The following FRMD5 variants were observed in gnomAD, a reference collection of about 807,000 sequenced individuals.
The protein encoded by FRMD5 is FERM domain containing 5.
Under a neutral mutation model 69.0 loss-of-function variants are expected in FRMD5, and 20 were observed. That is an observed-to-expected ratio of 0.29 (90% CI 0.20 to 0.42). The LOEUF (loss-of-function observed/expected upper bound fraction) is 0.42, where lower values mean the gene tolerates loss of function less well. Ranked by LOEUF, FRMD5 falls within the 10% of genes least tolerant of loss-of-function variation. The pLI is 1.00. For synonymous variants in FRMD5, 271 were observed against 260.1 expected, an observed-to-expected ratio of 1.04 and a Z score of -0.40; for missense variants, 595 against 708.6, an observed-to-expected ratio of 0.84 and a Z score of 1.82.
intron 1 of FRMD5, among the ~76,000 whole-genome samples, chr15:44,170,471 C>T (rs918762788): frequency 2.0e-5 from 3 of 150,562 alleles, no homozygotes; most frequent in Non-Finnish European, 3.0e-5. Context: ...TGCAGTAAGC[C>T]GAGATCACAC....
upstream of FRMD5, among the ~76,000 whole-genome samples, chr15:44,196,165 TA>T (rs1315887121): frequency 6.6e-6 from 1 of 152,104 alleles, no homozygotes; most frequent in African/African-American, 2.4e-5. Flanking sequence ...GGAAATGTTA[TA>T]AAATAATTAT....
intron 1 of FRMD5, among the ~76,000 whole-genome samples, chr15:44,139,996 A>G (rs2077244537): frequency 6.6e-6 from 1 of 151,292 alleles, no homozygotes; most frequent in South Asian, 2.1e-4. Flanking sequence ...GTCTGATCTT[A>G]TACATATACA....
intron 1 of FRMD5, among the ~76,000 whole-genome samples, chr15:43,948,164 A>G (rs1225122699): frequency 6.6e-6 from 1 of 152,248 alleles, no homozygotes; most frequent in African/African-American, 2.4e-5. Context: ...TGAGCTGGGA[A>G]TTGAACCCAA....
At chr15:44,072,520 TACAG>T (rs1893585456) in intron 1 of FRMD5, among the ~76,000 whole-genome samples, 1 of 152,248 alleles carries the variant, frequency 6.6e-6, no homozygotes, top group Non-Finnish European at 1.5e-5. Context: ...AATTTGCTGT[TACAG>T]ACAATTTAAC....
chr15:43,948,852 A>T (rs1470901970), intron 1 of FRMD5, among the ~76,000 whole-genome samples: 1 of 152,256 alleles, frequency 6.6e-6, no homozygotes, highest in Non-Finnish European at 1.5e-5. Context: ...GATGAGTCAC[A>T]TGCAAATCTT....
At chr15:43,988,191 C>T (rs1192958364) in intron 1 of FRMD5, among the ~76,000 whole-genome samples, 3 of 152,116 alleles carry the variant, frequency 2.0e-5, no homozygotes, top group African/African-American at 7.2e-5. Flanking sequence ...TGCTGTGTGG[C>T]CTGGTCTGTG....
rs533023960 is a variant in FRMD5 at position 43,914,723 on chromosome 15, CTT to C, written c.329+4734_329+4735del. Among the ~76,000 whole-genome samples, 20 of 109,360 alleles carry C rather than the reference CTT, an allele frequency of 1.8e-4. 1 individual carries two copies. In the East Asian group the frequency reaches 2.5e-3, roughly 13 times the overall value. The allele number at this position is 109,360 out of a possible 152,430, so 71.7% of individuals were successfully genotyped here. A position where few individuals can be genotyped will look rare whatever the true frequency, so the allele number is the denominator to read the frequency against. On this transcript the variant is annotated intron_variant, in intron 4 of 13. Coordinates refer to ENST00000417257, the MANE Select transcript of FRMD5 (RefSeq NM_032892.5). ...CCCAGCAACTCTATGAGGTGACTAC[CTT>C]TTTTTTTTTTTTTTTTTTTGAGATG...
At chr15:43,938,483 C>A (rs563341193) in intron 1 of FRMD5, among the ~76,000 whole-genome samples, 1 of 152,328 alleles carries the variant, frequency 6.6e-6, no homozygotes, top group East Asian at 1.9e-4. Context: ...TCTCATATAG[C>A]TGCTGCAGAA....
intron 1 of FRMD5, among the ~76,000 whole-genome samples, chr15:44,032,860 A>C (rs1418450093): frequency 6.6e-6 from 1 of 152,248 alleles, no homozygotes; most frequent in Admixed American, 6.5e-5. Context: ...ATTACTGGGT[A>C]TATACCCAGA....
chr15:44,039,060 A>C (rs1324719079), intron 1 of FRMD5, among the ~76,000 whole-genome samples: 1 of 152,244 alleles, frequency 6.6e-6, no homozygotes, highest in Non-Finnish European at 1.5e-5. Flanking sequence ...CAGTGTAAAC[A>C]AAGCCTCTCG....
In FRMD5 at chr15:43,981,245, C is replaced by A. The variant is rs879492361; in HGVS notation, c.103-56936G>T. Among the ~76,000 whole-genome samples the A allele has an allele frequency of 2.0e-5, 3 of 152,162 alleles. No individual in the cohort carries two copies. In the South Asian group the frequency reaches 6.2e-4, roughly 32 times the overall value. On this transcript the variant is annotated intron_variant, in intron 1 of 13. Coordinates refer to ENST00000417257, the MANE Select transcript of FRMD5 (RefSeq NM_032892.5). ...AAAGTGCTGGGATTACAGGCGTGAA[C>A]CACCTCACCTTAACACATATTTTGT...
chr15:44,127,144 G>A (rs932412077), intron 1 of FRMD5, among the ~76,000 whole-genome samples: 1 of 152,182 alleles, frequency 6.6e-6, no homozygotes, highest in Non-Finnish European at 1.5e-5. Flanking sequence ...GTGCAGTGGT[G>A]CAATATCGGC....
intron 9 of FRMD5, 110 bp from the exon 10 acceptor site, chr15:43,888,376 T>C: frequency 1.4e-6 from 1 of 711,364 alleles, no homozygotes; most frequent in Non-Finnish European, 2.4e-6. Context: ...GCTGGCTAGT[T>C]AGAGGGGAGG....
intron 1 of FRMD5, among the ~76,000 whole-genome samples, chr15:44,037,891 C>A (rs1319523589): frequency 1.3e-5 from 2 of 152,174 alleles, no homozygotes; most frequent in East Asian, 3.8e-4. Context: ...CTGTCTTCCA[C>A]AATGGTTGAA....
chr15:44,066,966 T>C (rs1893337149), intron 1 of FRMD5, among the ~76,000 whole-genome samples: 1 of 151,872 alleles, frequency 6.6e-6, no homozygotes. Flanking sequence ...GAAAGATTAG[T>C]AGAGAACAAA....
chr15:44,002,079 T>C lies in FRMD5; in HGVS notation c.103-77770A>G, dbSNP rs150732358. 5.9e-5 allele frequency among the ~76,000 whole-genome samples: 9 copies of C among 152,260 alleles called. No individual in the cohort carries two copies. The East Asian group carries it at 1.7e-3, about 29-fold the overall frequency. On this transcript the variant is annotated intron_variant, in intron 1 of 13. Transcript: ENST00000417257. ...CCCCTTCAAGTTGTTTCCTGTCCTT[T>C]TGACATGTCATCATTACTTGAGCAC...
intron 1 of FRMD5, among the ~76,000 whole-genome samples, chr15:44,190,496 AGGGGG>A (rs386783533): frequency 0.12 from 17,935 of 152,170 alleles, 2,522 homozygotes; most frequent in African/African-American, 0.34. Context: ...AGATGGAGGC[AGGGGG>A]ACCTGAAAGT....
chr15:43,893,272 A>G (rs1190832358), intron 7 of FRMD5, among the ~76,000 whole-genome samples: 9 of 152,190 alleles, frequency 5.9e-5, no homozygotes, highest in African/African-American at 1.9e-4. Flanking sequence ...AAAAACAAGA[A>G]GCAACTGGCA....
intron 1 of FRMD5, among the ~76,000 whole-genome samples, chr15:43,954,819 T>C (rs2090089255): frequency 6.6e-6 from 1 of 152,196 alleles, no homozygotes; most frequent in African/African-American, 2.4e-5. Context: ...ATAAGTGATA[T>C]AAAGTGCTAC....
Sources: allele counts gnomAD v4.1 joint callset (sites outside exome capture counted in the v4.1 genomes callset), GRCh38; gene constraint gnomAD v4.1.1; transcripts MANE v1.5; gene names NCBI Gene and HGNC (gene_info 2026-07-23, HGNC 2026-07-21).